Variants in TRIO observed in about 807,000 individuals in gnomAD.
TRIO encodes triple functional domain protein.
Under a neutral mutation model 351.9 loss-of-function variants are expected in TRIO, and 58 were observed. The observed-to-expected ratio is 0.16, with a 90% CI of 0.13 to 0.21. The LOEUF (loss-of-function observed/expected upper bound fraction) is 0.21. Among genes scored for constraint, TRIO ranks in the 10% least tolerant of loss-of-function variants. TRIO has a pLI of 1.00. For missense variants in TRIO, 3,201 were observed against 4,027.8 expected (o/e 0.79, Z 5.56); for synonymous variants, 1,758 against 1,595.7 (o/e 1.10, Z -2.42).
At chr5:14,190,949 G>A (rs984672086) in intron 1 of TRIO, among the ~76,000 whole-genome samples, 1 of 152,072 alleles carries the variant, frequency 6.6e-6, no homozygotes, top group African/African-American at 2.4e-5. Context: ...TCATGCATTA[G>A]GTAATGACAC....
At chr5:14,339,658 A>G (rs1741756351) in intron 11 of TRIO, among the ~76,000 whole-genome samples, 1 of 152,200 alleles carries the variant, frequency 6.6e-6, no homozygotes, top group Non-Finnish European at 1.5e-5. Flanking sequence ...ATAGCAGGAC[A>G]CACGTGTGCC....
chr5:14,206,525 C>T (rs959301437), intron 1 of TRIO, among the ~76,000 whole-genome samples: 4 of 152,204 alleles, frequency 2.6e-5, no homozygotes, highest in African/African-American at 9.7e-5. Context: ...AACTCAACCT[C>T]TTTCTCCCAG....
chr5:14,508,641 G>A lies in TRIO; in HGVS notation c.*219G>A, dbSNP rs1757885617. ...TTACACTCTGCCCAAGGCAGAGGTC[G>A]CATTGCTGTATCACAGTATTTTATT... is the stretch of plus-strand genomic sequence containing the variant. On this transcript the variant is annotated 3_prime_UTR_variant, in exon 57 of 57. Transcript: ENST00000344204. 1.9e-5 allele frequency: 10 copies of A among 515,720 alleles called. No homozygotes were observed. The highest frequency in any genetic ancestry group is 1.9e-4 in the Admixed American group (5 of 26,942). 31.9% of individuals were successfully genotyped at this position (515,720 alleles called of 1,614,324 possible).
intron 34 of TRIO, among the ~76,000 whole-genome samples, chr5:14,445,322 C>G (rs979340565): frequency 2.6e-5 from 4 of 152,146 alleles, no homozygotes; most frequent in Non-Finnish European, 5.9e-5. Context: ...ATGAGCAAAC[C>G]ACATACCCCC....
chr5:14,181,464 C>G (rs1789763230), intron 1 of TRIO, among the ~76,000 whole-genome samples: 1 of 152,322 alleles, frequency 6.6e-6, no homozygotes, highest in Middle Eastern at 3.4e-3. Context: ...AACTTCACAG[C>G]CATTCTGTGG....
Position 14,297,067 on chromosome 5 carries a change from T to G in TRIO, c.1177-5T>G, listed in dbSNP as rs1329896931. 1.9e-6 allele frequency: 3 copies of G among 1,605,274 alleles called. No homozygotes were observed. The highest frequency in any genetic ancestry group is 2.6e-6 in the Non-Finnish European group (3 of 1,172,860). ...AGGAGCCCTCTTTTCCTGCCCACTT[T>G]CCAGAACGTGTATGTAAATATAAAC... On this transcript the variant is annotated splice_polypyrimidine_tract_variant and splice_region_variant and intron_variant, in intron 6 of 56. Coordinates refer to ENST00000344204, the MANE Select transcript of TRIO (RefSeq NM_007118.4).
At chr5:14,204,686 A>G (rs1030835021) in intron 1 of TRIO, among the ~76,000 whole-genome samples, 1 of 152,206 alleles carries the variant, frequency 6.6e-6, no homozygotes, top group Non-Finnish European at 1.5e-5. Flanking sequence ...AATGCTATTC[A>G]GATTTTGGGG....
chr5:14,496,753 C>A, intron 49 of TRIO, 126 bp from the exon 50 acceptor site: 1 of 1,258,466 alleles, frequency 7.9e-7, no homozygotes, highest in Non-Finnish European at 1.1e-6. Flanking sequence ...GGTCACAGTT[C>A]GTAGAGGATT....
chr5:14,508,392 T>C lies in TRIO; in HGVS notation c.9264T>C (p.Phe3088=). 1.9e-6 allele frequency: 3 copies of C among 1,612,208 alleles called. No individual in the cohort carries two copies. The highest frequency in any genetic ancestry group is 2.5e-6 in the Non-Finnish European group (3 of 1,178,646). The change falls in exon 57 of 57, where the codon TTT becomes TTC. Residue 3088 remains phenylalanine, a synonymous_variant. Transcript: ENST00000344204. ...GACCTATCCGTAGCATTAAAAACTT[T>C]CTGCAGAGCAGGCTTCTGCCTAGAG... ...DVRPIRSIKN[F]LQSRLLPRV
chr5:14,379,995 T>C (rs1745927347), intron 20 of TRIO, among the ~76,000 whole-genome samples: 1 of 152,132 alleles, frequency 6.6e-6, no homozygotes. Flanking sequence ...CCTTCCTATC[T>C]CCCACTCTAG....
Position 14,479,319 on chromosome 5 carries a change from T to C in TRIO, c.6212T>C (p.Ile2071Thr). 3 of 1,613,930 alleles carry C rather than the reference T, an allele frequency of 1.9e-6. No homozygotes were observed. The highest frequency in any genetic ancestry group is 2.5e-6 in the Non-Finnish European group (3 of 1,179,958). ...YCQNKPKSEHIVSEYIDTFFE... is the reference protein window; with the variant it reads ...YCQNKPKSEHTVSEYIDTFFE... ...CAAAATAAACCAAAGTCTGAGCACATTGTCTCAGAATACATTGATACCTTT... is the reference window on the plus strand; with the variant it reads ...CAAAATAAACCAAAGTCTGAGCACACTGTCTCAGAATACATTGATACCTTT... The change falls in exon 42 of 57, where the codon ATT becomes ACT. Residue 2071 changes from isoleucine to threonine, a missense_variant. Coordinates refer to ENST00000344204, the MANE Select transcript of TRIO (RefSeq NM_007118.4).
rs151081370 is a variant in TRIO at position 14,227,304 on chromosome 5, A to C, written c.158-43521A>C. Reference sequence around the variant, plus strand: ...GGTTAAAATGAGGATATTTTCTATCAGTCATAGCAGGAAGAGAAAGTGGAA... The same window carrying C: ...GGTTAAAATGAGGATATTTTCTATCCGTCATAGCAGGAAGAGAAAGTGGAA... On this transcript the variant is annotated intron_variant, in intron 1 of 56. Coordinates refer to ENST00000344204, the MANE Select transcript of TRIO (RefSeq NM_007118.4). Among the ~76,000 whole-genome samples, 20 of 152,344 alleles carry C rather than the reference A, an allele frequency of 1.3e-4. No individual in the cohort carries two copies. In the East Asian group the frequency reaches 3.9e-3, roughly 29 times the overall value.
At chr5:14,483,553 C>T (rs1468796894) in intron 46 of TRIO, among the ~76,000 whole-genome samples, 1 of 152,192 alleles carries the variant, frequency 6.6e-6, no homozygotes, top group African/African-American at 2.4e-5. Flanking sequence ...GCGTCCTCCC[C>T]CATCCGACTC....
At chr5:14,276,004 G>A (rs1735490058) in intron 2 of TRIO, among the ~76,000 whole-genome samples, 3 of 146,802 alleles carry the variant, frequency 2.0e-5, no homozygotes, top group African/African-American at 7.5e-5. Context: ...ACACATATGT[G>A]TATATATATA....
intron 8 of TRIO, among the ~76,000 whole-genome samples, chr5:14,314,278 C>T (rs1199046106): frequency 6.6e-6 from 1 of 152,124 alleles, no homozygotes; most frequent in Non-Finnish European, 1.5e-5. Flanking sequence ...TTATATGCTA[C>T]ATTGTAAGTT....
At chr5:14,420,452 T>G (rs574252393) in intron 34 of TRIO, 1 of 158,594 alleles carries the variant, frequency 6.3e-6, no homozygotes, top group African/African-American at 2.4e-5. Context: ...TCCTGATTAA[T>G]TATAGGCCAA....
rs192964676 is a variant in TRIO, at chr5:14,231,564, C to T, written c.158-39261C>T. Reference sequence around the variant, plus strand: ...TGGGCCTTCTTTGCTCTCCTTAGCACGTTCATTGCTAGGGGCTGCCACTTC... The same window carrying T: ...TGGGCCTTCTTTGCTCTCCTTAGCATGTTCATTGCTAGGGGCTGCCACTTC... On this transcript the variant is annotated intron_variant, in intron 1 of 56. Transcript: ENST00000344204. Among the ~76,000 whole-genome samples, 193 of 152,302 alleles carry T rather than the reference C, an allele frequency of 1.3e-3. 3 individuals carry two copies. The highest frequency in any genetic ancestry group is 0.012 in the Admixed American group (183 of 15,292).
At chr5:14,337,657 C>T (rs1452630339) in intron 11 of TRIO, among the ~76,000 whole-genome samples, 1 of 152,146 alleles carries the variant, frequency 6.6e-6, no homozygotes, top group Non-Finnish European at 1.5e-5. Context: ...CATTTCAAGG[C>T]ATCAGTGCTC....
intron 33 of TRIO, among the ~76,000 whole-genome samples, chr5:14,409,638 T>C (rs559253273): frequency 6.6e-6 from 1 of 151,900 alleles, no homozygotes; most frequent in East Asian, 1.9e-4. Context: ...ATCGAGACCA[T>C]CCTGGCTAAC....
Sources: allele counts gnomAD v4.1 joint callset (sites outside exome capture counted in the v4.1 genomes callset), GRCh38; gene constraint gnomAD v4.1.1; transcripts MANE v1.5; gene names NCBI Gene and HGNC (gene_info 2026-07-23, HGNC 2026-07-21).